SLC5A10: variants seen among roughly 807,000 people sequenced by gnomAD.
The protein encoded by SLC5A10 is solute carrier family 5 member 10.
SLC5A10 carries 55 observed loss-of-function variants against 68.9 expected under a neutral mutation model. The observed-to-expected ratio is 0.80, with a 90% CI of 0.64 to 1.00. The LOEUF (loss-of-function observed/expected upper bound fraction) is 1.00. SLC5A10 is among the 50% of genes least tolerant of loss of function. The pLI is 0.00. For missense variants in SLC5A10, 732 were observed against 819.3 expected (o/e 0.89, Z 1.30); for synonymous variants, 344 against 344.8 (o/e 1.00, Z 0.02).
chr17:18,981,003 G>A (rs1204040966), intron 9 of SLC5A10, among the ~76,000 whole-genome samples: 2 of 152,150 alleles, frequency 1.3e-5, no homozygotes, highest in African/African-American at 4.8e-5. Context: ...TGACGTACTG[G>A]TCTGTCCCCT....
At chr17:19,019,232 G>A in intron 11 of SLC5A10, 191 bp from the exon 12 acceptor site, 1 of 636,342 alleles carries the variant, frequency 1.6e-6, no homozygotes, top group Non-Finnish European at 2.7e-6. Flanking sequence ...AGGATCCAGG[G>A]AGCCACCAAA....
At chr17:18,990,866 T>C (rs1447832382) in intron 9 of SLC5A10, among the ~76,000 whole-genome samples, 1 of 152,180 alleles carries the variant, frequency 6.6e-6, no homozygotes, top group Non-Finnish European at 1.5e-5. Context: ...TGGGGGCCCT[T>C]GAGTCCTGTC....
chr17:18,981,409 C>G (rs544529243), intron 9 of SLC5A10, among the ~76,000 whole-genome samples: 1 of 152,292 alleles, frequency 6.6e-6, no homozygotes, highest in East Asian at 1.9e-4. Flanking sequence ...TGAGCTTGGC[C>G]CTGGGGCCAG....
intron 9 of SLC5A10, 77 bp downstream of exon 9, chr17:18,977,066 A>G: frequency 2.5e-6 from 4 of 1,579,760 alleles, no homozygotes; most frequent in Non-Finnish European, 2.6e-6. Context: ...AAACGTCACC[A>G]GAAGAAGAGG....
chr17:18,991,450 G>A (rs929134381), intron 9 of SLC5A10, among the ~76,000 whole-genome samples: 2 of 152,214 alleles, frequency 1.3e-5, no homozygotes, highest in Admixed American at 6.5e-5. Context: ...GATGCTTCAC[G>A]TAGCCCCAAG....
Position 19,019,584 on chromosome 17 carries a change from A to G in SLC5A10, c.1403A>G (p.Asn468Ser), listed in dbSNP as rs1473977230. 1.2e-6 allele frequency: 2 copies of G among 1,611,286 alleles called. No individual in the cohort carries two copies. Among genetic ancestry groups the G allele is most frequent in the Admixed American group, 1.7e-5 (1 of 59,988 alleles). ...CTGGGCGTCTTCTGGCGACGTGCCAACGAGCAGGTGGGCGTCGGCGGTCTG... is the reference window on the plus strand; with the variant it reads ...CTGGGCGTCTTCTGGCGACGTGCCAGCGAGCAGGTGGGCGTCGGCGGTCTG... ...FVLGVFWRRA[N>S]EQGAFWGLIA... Residue 468 changes from asparagine to serine, a missense_variant, in exon 12 of 15, where the codon AAC becomes AGC. Coordinates refer to ENST00000395645, the MANE Select transcript of SLC5A10 (RefSeq NM_001042450.4).
chr17:18,959,962 G>A (rs2042579484), intron 4 of SLC5A10, among the ~76,000 whole-genome samples: 1 of 152,106 alleles, frequency 6.6e-6, no homozygotes, highest in South Asian at 2.1e-4. Context: ...CACATAGGCT[G>A]TACAACTGGG....
intron 8 of SLC5A10, among the ~76,000 whole-genome samples, chr17:18,975,325 G>A (rs1017460663): frequency 1.3e-5 from 2 of 152,178 alleles, no homozygotes; most frequent in Non-Finnish European, 2.9e-5. Flanking sequence ...TAATGTTTCC[G>A]TGACATCCAC....
intron 9 of SLC5A10, among the ~76,000 whole-genome samples, chr17:19,008,501 AT>A (rs201812786): frequency 0.041 from 5,822 of 141,504 alleles, 255 homozygotes; most frequent in East Asian, 0.21. Context: ...AGCCTCACAG[AT>A]TTTTTTTTTT....
Position 19,020,588 on chromosome 17 carries a change from TGAAAAATTAGG to T in SLC5A10, c.*159_*169del. The T allele has an allele frequency of 4.7e-6, 3 of 634,838 alleles. No homozygotes were observed. Among genetic ancestry groups the T allele is most frequent in the Non-Finnish European group, 8.1e-6 (3 of 370,938 alleles). The allele number at this position is 634,838 out of a possible 1,614,324, so 39.3% of individuals were successfully genotyped here. On this transcript the variant is annotated 3_prime_UTR_variant, in exon 15 of 15. Transcript: ENST00000395645. ...GGCCAAGCCAGCAAAGCGGGAGCCC[TGAAAAATTAGG>T]GGGGAAATGGGAGAAAATAATGTGA...
chr17:18,955,877 C>T (rs765817025), intron 1 of SLC5A10, among the ~76,000 whole-genome samples: 7 of 152,094 alleles, frequency 4.6e-5, no homozygotes, highest in Non-Finnish European at 1.0e-4. Flanking sequence ...GCCTGGGCAA[C>T]ATAATGAGAC....
chr17:18,978,897 C>T lies in SLC5A10; in HGVS notation c.982+1908C>T, dbSNP rs745935443. Reference sequence around the variant, plus strand: ...CTGGTCAGGCACATGACCCTGCTTCCTCCGCCCAGCCCCCGTGCACCCATA... The same window carrying T: ...CTGGTCAGGCACATGACCCTGCTTCTTCCGCCCAGCCCCCGTGCACCCATA... On this transcript the variant is annotated intron_variant, in intron 9 of 14. Transcript: ENST00000395645. The T allele has an allele frequency of 1.9e-6, 3 of 1,594,466 alleles. No individual in the cohort carries two copies. In the Admixed American group the frequency reaches 5.1e-5, roughly 27 times the overall value.
At chr17:18,991,784 A>C (rs1224083953) in intron 9 of SLC5A10, among the ~76,000 whole-genome samples, 1 of 152,198 alleles carries the variant, frequency 6.6e-6, no homozygotes, top group African/African-American at 2.4e-5. Flanking sequence ...TCCCAAGTGA[A>C]GGAGGGAGCC....
At chr17:18,956,471 T>G (rs1173041306) in intron 1 of SLC5A10, among the ~76,000 whole-genome samples, 1 of 143,950 alleles carries the variant, frequency 6.9e-6, no homozygotes, top group Non-Finnish European at 1.5e-5. Context: ...TTCTGTTTTT[T>G]TTTTTTTTTT....
At position 18,958,791 on chromosome 17, in the gene SLC5A10, T is replaced by C. The variant is rs763019224; in HGVS notation, c.183+38T>C. The C allele has an allele frequency of 3.5e-5, 56 of 1,605,188 alleles. No individual in the cohort carries two copies. In the Admixed American group the frequency reaches 8.5e-4, roughly 24 times the overall value. ...TGACTTCTCACACACCCCCACTTTG[T>C]CCGTGGGGCTGTGTCTGATCTCTAG... On this transcript the variant is annotated intron_variant, in intron 2 of 14. Coordinates refer to ENST00000395645, the MANE Select transcript of SLC5A10 (RefSeq NM_001042450.4).
In SLC5A10 at chr17:18,960,651, CG is replaced by C; in HGVS notation, c.453+1del. On this transcript the variant is annotated frameshift_variant and splice_region_variant, in exon 5 of 15. Coordinates refer to ENST00000395645, the MANE Select transcript of SLC5A10 (RefSeq NM_001042450.4). LOFTEE classifies it high-confidence loss of function. The stretch of plus-strand genomic sequence containing the variant: ...CTACTGTCTGTCTTCACCAAGATAT[CG>C]GTGAGCTGCCCCCGGCTCCCTGCTG... ...SLLLSVFTKI[S>X]LDLYAGALFV... 6.2e-7 allele frequency: 1 copy of C among 1,613,558 alleles called. No homozygotes were observed. Among genetic ancestry groups the C allele is most frequent in the Non-Finnish European group, 8.5e-7 (1 of 1,179,504 alleles).
At chr17:18,980,802 C>G (rs955666381) in intron 9 of SLC5A10, among the ~76,000 whole-genome samples, 1 of 152,110 alleles carries the variant, frequency 6.6e-6, no homozygotes, top group Non-Finnish European at 1.5e-5. Flanking sequence ...AAGAAATGCT[C>G]CTGGGTGCCC....
At chr17:19,008,815 T>TATTAGTATTA (rs112815870) in intron 9 of SLC5A10, among the ~76,000 whole-genome samples, 115 of 143,300 alleles carry the variant, frequency 8.0e-4, no homozygotes, top group African/African-American at 2.8e-3. Context: ...TTATTATTAT[T>TATTAGTATTA]TTTTTTTTTT....
intron 9 of SLC5A10, among the ~76,000 whole-genome samples, chr17:18,990,521 A>C (rs933880073): frequency 6.6e-6 from 1 of 152,228 alleles, no homozygotes; most frequent in Non-Finnish European, 1.5e-5. Flanking sequence ...GGCCCTGCCT[A>C]CCGTGGCAGA....
Sources: allele counts gnomAD v4.1 joint callset (sites outside exome capture counted in the v4.1 genomes callset), GRCh38; gene constraint gnomAD v4.1.1; transcripts MANE v1.5; gene names NCBI Gene and HGNC (gene_info 2026-07-23, HGNC 2026-07-21).